NADSYN1: variants seen among roughly 807,000 people sequenced by gnomAD.
The protein encoded by NADSYN1 is NAD synthetase 1, also known as glutamine-dependent NAD(+) synthetase.
A neutral mutation model predicts 99.3 loss-of-function variants in NADSYN1; 80 were observed. That is an observed-to-expected ratio of 0.81 (90% CI 0.67 to 0.97). The LOEUF (loss-of-function observed/expected upper bound fraction) is 0.97, where lower values mean the gene tolerates loss of function less well. Ranked by LOEUF, NADSYN1 falls within the 50% of genes least tolerant of loss-of-function variation. NADSYN1 has a pLI of 0.00. For synonymous variants in NADSYN1, 385 were observed against 372.1 expected, an observed-to-expected ratio of 1.03 and a Z score of -0.40; for missense variants, 859 against 948.5, an observed-to-expected ratio of 0.91 and a Z score of 1.24.
intron 2 of NADSYN1, among the ~76,000 whole-genome samples, chr11:71,455,990 C>T (rs915780674): frequency 5.9e-5 from 9 of 152,174 alleles, no homozygotes; most frequent in African/African-American, 1.9e-4. Context: ...CTCTTGTAAG[C>T]GATAGTCCTT....
intron 9 of NADSYN1, chr11:71,475,269 G>T (rs1267846847): frequency 6.5e-6 from 1 of 154,856 alleles, no homozygotes; most frequent in Admixed American, 6.3e-5. Flanking sequence ...TGAGTCCTGG[G>T]AAGCAGAAGT....
intron 18 of NADSYN1, among the ~76,000 whole-genome samples, chr11:71,494,958 A>T (rs1422603264): frequency 6.7e-6 from 1 of 150,264 alleles, no homozygotes; most frequent in Non-Finnish European, 1.5e-5. Flanking sequence ...AAGGTTTGTC[A>T]ATTTTTTTTT....
intron 15 of NADSYN1, chr11:71,484,678 G>C (rs2120485683): frequency 1.7e-6 from 1 of 574,142 alleles, no homozygotes; most frequent in African/African-American, 1.9e-5. Context: ...TGGTGCATGA[G>C]CATGTGATGT....
intron 18 of NADSYN1, among the ~76,000 whole-genome samples, chr11:71,492,755 C>T (rs937964803): frequency 8.5e-5 from 13 of 152,112 alleles, no homozygotes; most frequent in East Asian, 1.9e-4. Context: ...AAAGCTTTTG[C>T]GTTTTGACGG....
intron 11 of NADSYN1, 84 bp downstream of exon 11, chr11:71,480,963 G>A (rs1437207840): frequency 4.5e-6 from 7 of 1,565,860 alleles, no homozygotes; most frequent in East Asian, 4.6e-5. Context: ...GTCACGCAGT[G>A]GGTTTTCAGA....
rs137883765 is a variant in NADSYN1, at chr11:71,472,297, C to T, written c.408-152C>T. The T allele has an allele frequency of 2.9e-3, 1,947 of 679,076 alleles. 8 individuals are homozygous for T. Among genetic ancestry groups the T allele is most frequent in the Non-Finnish European group, 4.3e-3 (1,563 of 367,724 alleles). The allele number at this position is 679,076 out of a possible 1,614,324, so 42.1% of individuals were successfully genotyped here. ...ATACTCTTTTCTTTTTACCTGAATG[C>T]GATTGTTTATTGCATTGGGGGGAAC... is the stretch of plus-strand genomic sequence containing the variant. On this transcript the variant is annotated intron_variant, in intron 5 of 20. Transcript: ENST00000319023.
At chr11:71,498,800 C>T (rs1009667260) in intron 20 of NADSYN1, 2 of 321,040 alleles carry the variant, frequency 6.2e-6, no homozygotes, top group African/African-American at 2.1e-5. Flanking sequence ...TTCACATGTG[C>T]GTGCCTTACC....
chr11:71,484,422 A>C lies in NADSYN1; in HGVS notation c.1430A>C (p.Glu477Ala), dbSNP rs1246058509. Residue 477 changes from glutamate to alanine, a missense_variant, in exon 15 of 21, where the codon GAA becomes GCA. Physicochemically the swap from Glu to Ala is moderately radical, Grantham distance 107. Coordinates refer to ENST00000319023, the MANE Select transcript of NADSYN1 (RefSeq NM_018161.5). Reference sequence around the variant, plus strand: ...GCAGCTCATGGAGGAAGCAGCAGGGAAAACCTGGCGCTGCAAAATGTGCAG... The same window carrying C: ...GCAGCTCATGGAGGAAGCAGCAGGGCAAACCTGGCGCTGCAAAATGTGCAG... ...LFAAHGGSSRENLALQNVQAR... is the reference protein window; with the variant it reads ...LFAAHGGSSRANLALQNVQAR... 6.2e-7 allele frequency: 1 copy of C among 1,614,064 alleles called. No homozygotes were observed. Among genetic ancestry groups the C allele is most frequent in the East Asian group, 2.2e-5 (1 of 44,884 alleles).
chr11:71,462,328 C>T (rs1456536615), intron 3 of NADSYN1, among the ~76,000 whole-genome samples: 1 of 152,190 alleles, frequency 6.6e-6, no homozygotes, highest in South Asian at 2.1e-4. Flanking sequence ...CTCCACAACC[C>T]GCTATCATAA....
chr11:71,462,897 C>T (rs1009327559), intron 3 of NADSYN1, among the ~76,000 whole-genome samples: 10 of 152,172 alleles, frequency 6.6e-5, no homozygotes, highest in East Asian at 1.9e-4. Flanking sequence ...CCAGCCAGGC[C>T]GCCCTCTCCT....
intron 5 of NADSYN1, among the ~76,000 whole-genome samples, chr11:71,466,189 T>C (rs1038216032): frequency 6.6e-6 from 1 of 152,228 alleles, no homozygotes; most frequent in African/African-American, 2.4e-5. Context: ...TTTTAGCATA[T>C]GTTGAGGTGA....
In NADSYN1 at chr11:71,498,440, A is replaced by G. The variant is rs1555152800; in HGVS notation, c.1982A>G (p.Asn661Ser). 3 of 1,614,080 alleles carry G rather than the reference A, an allele frequency of 1.9e-6. No individual in the cohort carries two copies. Among genetic ancestry groups the G allele is most frequent in the Non-Finnish European group, 8.5e-7 (1 of 1,180,042 alleles). Residue 661 changes from asparagine to serine, a missense_variant, in exon 20 of 21, where the codon AAC becomes AGC. By Grantham distance (46) the Asn-to-Ser change is conservative. Coordinates refer to ENST00000319023, the MANE Select transcript of NADSYN1 (RefSeq NM_018161.5). ...CTCACACCCGCGTACCACGCCGAGAACTACAGCCCTGAGGACAACAGGTTT... is the reference window on the plus strand; with the variant it reads ...CTCACACCCGCGTACCACGCCGAGAGCTACAGCCCTGAGGACAACAGGTTT... ...TTLTPAYHAE[N>S]YSPEDNRFDL...
intron 2 of NADSYN1, chr11:71,455,443 T>A (rs1208953163): frequency 2.3e-6 from 1 of 444,280 alleles, no homozygotes; most frequent in Non-Finnish European, 4.0e-6. Flanking sequence ...GTGTTACCAC[T>A]GCCCTTTTGC....
intron 3 of NADSYN1, among the ~76,000 whole-genome samples, chr11:71,463,207 C>G (rs1246010341): frequency 6.6e-6 from 1 of 152,198 alleles, no homozygotes; most frequent in African/African-American, 2.4e-5. Context: ...TGAGAAGAAG[C>G]TCCTCTAGGC....
chr11:71,498,123 G>C (rs564491855), intron 19 of NADSYN1, among the ~76,000 whole-genome samples: 51 of 151,932 alleles, frequency 3.4e-4, no homozygotes, highest in Non-Finnish European at 6.3e-4. Context: ...CATAGCATCA[G>C]AGGTGGGGGA....
At chr11:71,494,183 G>C (rs758649540) in intron 18 of NADSYN1, among the ~76,000 whole-genome samples, 16 of 152,138 alleles carry the variant, frequency 1.1e-4, no homozygotes, top group Non-Finnish European at 1.8e-4. Context: ...GACTCACCCA[G>C]AGCGGCTTCC....
At chr11:71,454,369 G>A (rs1026763651) in intron 1 of NADSYN1, among the ~76,000 whole-genome samples, 1 of 152,090 alleles carries the variant, frequency 6.6e-6, no homozygotes, top group Non-Finnish European at 1.5e-5. Context: ...CTGCCACCAT[G>A]CATGGCCAAT....
chr11:71,495,081 C>T (rs1297237762), intron 18 of NADSYN1, among the ~76,000 whole-genome samples: 1 of 151,806 alleles, frequency 6.6e-6, no homozygotes, highest in Non-Finnish European at 1.5e-5. Flanking sequence ...GTTTCATTTG[C>T]TCTTCTTTTT....
Position 71,458,974 on chromosome 11 carries a change from G to T in NADSYN1, c.263+430G>T, listed in dbSNP as rs148301350. ...CTGCATGCTCCATGCTGGTGTCTGTGCTGTACCCTGCATCGCCGGTCCTTA... is the reference window on the plus strand; with the variant it reads ...CTGCATGCTCCATGCTGGTGTCTGTTCTGTACCCTGCATCGCCGGTCCTTA... On this transcript the variant is annotated intron_variant, in intron 3 of 20. Coordinates refer to ENST00000319023, the MANE Select transcript of NADSYN1 (RefSeq NM_018161.5). 562 of 195,800 alleles carry T rather than the reference G, an allele frequency of 2.9e-3. 5 individuals are homozygous for T. The highest frequency in any genetic ancestry group is 0.012 in the African/African-American group (507 of 42,982). The allele number at this position is 195,800 out of a possible 1,614,324, so 12.1% of individuals were successfully genotyped here.
Sources: gnomAD v4.1 joint callset for allele counts (sites outside exome capture counted in the v4.1 genomes callset) on GRCh38, gnomAD v4.1.1 for gene constraint, MANE v1.5 for transcripts, NCBI Gene and HGNC (gene_info 2026-07-23, HGNC 2026-07-21) for gene names.